Variants in MN1 observed in about 807,000 individuals in gnomAD.
The protein encoded by MN1 is transcriptional activator MN1.
In MN1, 19 loss-of-function variants were observed where a neutral mutation model predicts 86.9. That is an observed-to-expected ratio of 0.22 (90% CI 0.15 to 0.32). The LOEUF (loss-of-function observed/expected upper bound fraction) is 0.32. Among genes scored for constraint, MN1 ranks in the 10% least tolerant of loss-of-function variants. The probability of loss-of-function intolerance (pLI) is 1.00; values close to 1 mark genes in which losing one functional copy is unlikely to be tolerated. For synonymous variants in MN1, 928 were observed against 849.6 expected (o/e 1.09, Z -1.60); for missense variants, 1,841 against 1,862.0 (o/e 0.99, Z 0.21).
chr22:27,797,194 C>G lies in MN1; in HGVS notation c.3350G>C (p.Ser1117Thr). The G allele has an allele frequency of 6.4e-7, 1 of 1,559,196 alleles. No individual in the cohort carries two copies. The highest frequency in any genetic ancestry group is 8.6e-7 in the Non-Finnish European group (1 of 1,156,888). The change falls in exon 1 of 2, where the codon AGC becomes ACC. Residue 1117 changes from serine to threonine, a missense_variant. Physicochemically the swap from Ser to Thr is moderately conservative, Grantham distance 58. Coordinates refer to ENST00000302326, the MANE Select transcript of MN1 (RefSeq NM_002430.3). Reference sequence around the variant, plus strand: ...GCCCGGGCCCCCACCGCCGCCGTAGCTGTCAGGGGTCGAGGTAGAGTTAGA... The same window carrying G: ...GCCCGGGCCCCCACCGCCGCCGTAGGTGTCAGGGGTCGAGGTAGAGTTAGA... The part of the protein sequence containing the change: ...IMSNSTSTPD[S>T]YGGGGGPGHP...
Position 27,799,693 on chromosome 22 carries a change from C to T in MN1, c.851G>A (p.Gly284Asp). 1.3e-6 allele frequency: 2 copies of T among 1,557,738 alleles called. No individual in the cohort carries two copies. Among genetic ancestry groups the T allele is most frequent in the Admixed American group, 1.9e-5 (1 of 51,830 alleles). Reference sequence around the variant, plus strand: ...TGGCTGGGCGTGCATTTTGGACAAGCCCACCATGCCCGCAGCTCTGGGCAT... The same window carrying T: ...TGGCTGGGCGTGCATTTTGGACAAGTCCACCATGCCCGCAGCTCTGGGCAT... ...SAMPRAAGMV[G>D]LSKMHAQPPQ... Residue 284 changes from glycine to aspartate, a missense_variant, in exon 1 of 2, where the codon GGC becomes GAC. By Grantham distance (94) the Gly-to-Asp change is moderately conservative. Transcript: ENST00000302326.
intron 1 of MN1, among the ~76,000 whole-genome samples, chr22:27,791,241 C>T (rs1933207059): frequency 6.6e-6 from 1 of 152,064 alleles, no homozygotes; most frequent in South Asian, 2.1e-4. Flanking sequence ...CCCCAGACCA[C>T]TTCATTTGGC....
chr22:27,785,873 C>A (rs914813653), intron 1 of MN1, among the ~76,000 whole-genome samples: 20 of 151,808 alleles, frequency 1.3e-4, no homozygotes, highest in African/African-American at 4.6e-4. Flanking sequence ...TAGATAAAGA[C>A]CCTCTCCAAA....
intron 1 of MN1, among the ~76,000 whole-genome samples, chr22:27,793,316 C>T (rs1234042530): frequency 4.7e-5 from 7 of 149,486 alleles, no homozygotes; most frequent in African/African-American, 1.5e-4. Flanking sequence ...GAAATTCTTC[C>T]GTAGCCACAC....
chr22:27,751,032 A>G lies in MN1; in HGVS notation c.3846T>C (p.Ser1282=), dbSNP rs1932759543. Residue 1282 remains serine, a synonymous_variant, in exon 2 of 2, where the codon TCT becomes TCC. Transcript: ENST00000302326. ...CACCCACGTCGTCTGTGCAGTGGAC[A>G]GACAGGCACTGCAAGTGGCTGCCAG... ...SQPGSHLQCL[S]VHCTDDVGDA... is the part of the protein sequence containing the mutation. 3.1e-6 allele frequency: 5 copies of G among 1,606,750 alleles called. No homozygotes were observed. The highest frequency in any genetic ancestry group is 3.4e-6 in the Non-Finnish European group (4 of 1,175,298).
intron 1 of MN1, among the ~76,000 whole-genome samples, chr22:27,780,255 G>A (rs1002533953): frequency 2.6e-5 from 4 of 152,006 alleles, no homozygotes; most frequent in Admixed American, 6.5e-5. Context: ...TAATCTGACC[G>A]TGCCTACAAG....
In MN1 at chr22:27,800,801, G is replaced by T; in HGVS notation, c.-258C>A. 1.8e-6 allele frequency: 1 copy of T among 565,792 alleles called. No homozygotes were observed. Among genetic ancestry groups the T allele is most frequent in the Admixed American group, 3.3e-5 (1 of 30,002 alleles). The allele number at this position is 565,792 out of a possible 1,614,324, so 35.0% of individuals were successfully genotyped here. A position where few individuals can be genotyped will look rare whatever the true frequency, so the allele number is the denominator to read the frequency against. ...CGCGGGGCCTCTAGGAGCCGTGTTG[G>T]GGGGCCCATGCCCCGGGCGGTTGTC... On this transcript the variant is annotated 5_prime_UTR_variant, in exon 1 of 2. Transcript: ENST00000302326.
intron 1 of MN1, among the ~76,000 whole-genome samples, chr22:27,790,936 C>T (rs553986186): frequency 1.3e-5 from 2 of 152,304 alleles, no homozygotes; most frequent in Admixed American, 1.3e-4. Context: ...AGGACTCACG[C>T]TCATTCAGTC....
chr22:27,781,269 T>C (rs1440420969), intron 1 of MN1, among the ~76,000 whole-genome samples: 3 of 152,194 alleles, frequency 2.0e-5, no homozygotes, highest in African/African-American at 7.2e-5. Context: ...TCACTCACTG[T>C]AGTTCAGAGT....
intron 1 of MN1, among the ~76,000 whole-genome samples, chr22:27,765,351 CCT>C (rs1435527763): frequency 6.6e-6 from 1 of 152,126 alleles, no homozygotes; most frequent in African/African-American, 2.4e-5. Context: ...ACAGCAGAAA[CCT>C]CTTTGTCTTT....
Position 27,800,230 on chromosome 22 carries a change from T to A in MN1, c.314A>T (p.His105Leu). ...QQPHHGHPGS[H>L]HPHQHHPHFG... ...GTGGGGGTGATGCTGGTGGGGATGA[T>A]GACTTCCCGGGTGGCCGTGGTGAGG... The change falls in exon 1 of 2, where the codon CAT (histidine) becomes CTT (leucine). Residue 105 changes from histidine to leucine, a missense_variant. His to Leu is a moderately conservative substitution (Grantham distance 99). Transcript: ENST00000302326. 1 of 1,582,574 alleles carries A rather than the reference T, an allele frequency of 6.3e-7. No individual in the cohort carries two copies. The highest frequency in any genetic ancestry group is 8.6e-7 in the Non-Finnish European group (1 of 1,165,518).
intron 1 of MN1, among the ~76,000 whole-genome samples, chr22:27,751,396 G>A (rs188649566): frequency 6.6e-6 from 1 of 152,274 alleles, no homozygotes; most frequent in African/African-American, 2.4e-5. Context: ...ATGCACCAGA[G>A]TTCCCAAAAG....
intron 1 of MN1, among the ~76,000 whole-genome samples, chr22:27,785,746 GC>G (rs35117962): frequency 0.17 from 22,812 of 135,210 alleles, 1,946 homozygotes; most frequent in Middle Eastern, 0.24. Flanking sequence ...TAACAGGTGT[GC>G]CCCCCCCCCA....
rs749965197 is a variant in MN1, at chr22:27,799,730, C to T, written c.814G>A (p.Gly272Ser). 4.4e-6 allele frequency: 7 copies of T among 1,578,126 alleles called. No homozygotes were observed. In the East Asian group the frequency reaches 1.4e-4, roughly 31 times the overall value. The part of the protein sequence containing the change: ...GRQVPGGAFP[G>S]ASAMPRAAGM... ...GCAGCTCTGGGCATGGCCGAGGCGCCCGGGAAAGCGCCCCCAGGAACCTGG... is the reference window on the plus strand; with the variant it reads ...GCAGCTCTGGGCATGGCCGAGGCGCTCGGGAAAGCGCCCCCAGGAACCTGG... The change falls in exon 1 of 2, where the codon GGC becomes AGC. Residue 272 changes from glycine to serine, a missense_variant. Transcript: ENST00000302326.
intron 1 of MN1, among the ~76,000 whole-genome samples, chr22:27,785,437 G>A (rs1933116623): frequency 1.3e-5 from 2 of 152,182 alleles, no homozygotes; most frequent in African/African-American, 4.8e-5. Flanking sequence ...ACGCCAAGAC[G>A]TCTCAAACTT....
intron 1 of MN1, among the ~76,000 whole-genome samples, chr22:27,764,702 C>T (rs979314064): frequency 1.2e-4 from 18 of 152,154 alleles, no homozygotes; most frequent in African/African-American, 1.2e-4. Context: ...TTAGACCTAC[C>T]GGGCAGGGCT....
Position 27,797,118 on chromosome 22 carries a change from G to C in MN1, c.3426C>G (p.Ser1142Arg), listed in dbSNP as rs745348338. 5.3e-5 allele frequency: 84 copies of C among 1,588,496 alleles called. No individual in the cohort carries two copies. The highest frequency in any genetic ancestry group is 8.8e-5 in the Admixed American group (5 of 56,882). ...GGATCTCGTCGGGTGGCGGGGCGCC[G>C]CTGCTGCTCGTCGGGGTGCGGACCT... The part of the protein sequence containing the change: ...LEQVRTPTSS[S>R]GAPPPDEIHP... The change falls in exon 1 of 2, where the codon AGC (serine) becomes AGG (arginine). Residue 1142 changes from serine (S) to arginine (R), a missense_variant. By Grantham distance (110) the Ser-to-Arg change is moderately radical. Coordinates refer to ENST00000302326, the MANE Select transcript of MN1 (RefSeq NM_002430.3).
chr22:27,793,482 GTTTTGTT>G (rs1225100394), intron 1 of MN1, among the ~76,000 whole-genome samples: 3 of 152,142 alleles, frequency 2.0e-5, no homozygotes, highest in South Asian at 2.1e-4. Flanking sequence ...CTCAGGCTGG[GTTTTGTT>G]TTTTGTTTTT....
At chr22:27,792,486 T>C (rs1933227196) in intron 1 of MN1, among the ~76,000 whole-genome samples, 1 of 151,958 alleles carries the variant, frequency 6.6e-6, no homozygotes, top group African/African-American at 2.4e-5. Context: ...CCTTGTCCTT[T>C]ATTAATATTT....
Sources: allele counts gnomAD v4.1 joint callset (sites outside exome capture counted in the v4.1 genomes callset), GRCh38; gene constraint gnomAD v4.1.1; transcripts MANE v1.5; gene names NCBI Gene and HGNC (gene_info 2026-07-23, HGNC 2026-07-21).